The following ZNF800 variants were observed in gnomAD, a reference collection of about 807,000 sequenced individuals.
ZNF800 encodes the protein zinc finger protein 800.
ZNF800 carries 13 observed loss-of-function variants against 59.5 expected under a neutral mutation model. The ratio of observed to expected loss-of-function variants is 0.22; its 90% confidence interval spans 0.14 to 0.35. The LOEUF is 0.35. Among genes scored for constraint, ZNF800 ranks in the 10% least tolerant of loss-of-function variants. ZNF800 has a pLI of 1.00. For synonymous variants in ZNF800, 266 were observed against 265.7 expected, an observed-to-expected ratio of 1.00 and a Z score of -0.01; for missense variants, 621 against 783.7, an observed-to-expected ratio of 0.79 and a Z score of 2.48.
intron 1 of ZNF800, among the ~76,000 whole-genome samples, chr7:127,348,196 G>C (rs944210563): frequency 1.3e-5 from 2 of 152,146 alleles, no homozygotes; most frequent in African/African-American, 4.8e-5. Flanking sequence ...AGGGTGCCAA[G>C]AGAGAAAACT....
intron 1 of ZNF800, among the ~76,000 whole-genome samples, chr7:127,359,525 T>C (rs911967244): frequency 6.6e-6 from 1 of 152,096 alleles, no homozygotes; most frequent in African/African-American, 2.4e-5. Flanking sequence ...AAAAACAAAA[T>C]TGTCAGTCAA....
chr7:127,353,486 T>A (rs1176742746), intron 1 of ZNF800, among the ~76,000 whole-genome samples: 1 of 152,220 alleles, frequency 6.6e-6, no homozygotes. Context: ...AACTGAATTT[T>A]AACTATGATG....
chr7:127,373,084 C>T, intron 5 of ZNF800: 1 of 985,292 alleles, frequency 1.0e-6, no homozygotes, highest in Non-Finnish European at 1.2e-6. Flanking sequence ...AAGCACTGAC[C>T]CTGTGCCATC....
chr7:127,360,185 A>G (rs1196017244), intron 1 of ZNF800: 6 of 152,124 alleles, frequency 3.9e-5, no homozygotes, highest in African/African-American at 1.4e-4. Flanking sequence ...TAGTTGGTAC[A>G]AAATATATAG....
chr7:127,371,822 G>A lies in ZNF800; in HGVS notation c.*-8C>T. On this transcript the variant is annotated splice_polypyrimidine_tract_variant and splice_region_variant and intron_variant, in intron 5 of 5. Coordinates refer to ENST00000265827, the MANE Select transcript of ZNF800 (RefSeq NM_176814.5). ...TACATCACTTGAAGTTATCTGAGGAGAAATGGGAATAAATGAACACTTTTG... is the reference window on the plus strand; with the variant it reads ...TACATCACTTGAAGTTATCTGAGGAAAAATGGGAATAAATGAACACTTTTG... 1.3e-6 allele frequency: 1 copy of A among 766,614 alleles called. No homozygotes were observed. Among genetic ancestry groups the A allele is most frequent in the Non-Finnish European group, 2.4e-6 (1 of 411,880 alleles). The allele number at this position is 766,614 out of a possible 1,614,324, so 47.5% of individuals were successfully genotyped here.
At chr7:127,372,371 T>C (rs764610273) in intron 5 of ZNF800, among the ~76,000 whole-genome samples, 26 of 151,490 alleles carry the variant, frequency 1.7e-4, no homozygotes, top group Non-Finnish European at 2.7e-4. Context: ...TCCCAGCTAC[T>C]TGGGAGGCTG....
chr7:127,366,958 G>A (rs996296953), downstream of ZNF800, among the ~76,000 whole-genome samples: 7 of 152,118 alleles, frequency 4.6e-5, no homozygotes, highest in African/African-American at 9.7e-5. Context: ...GGAAAGTAGC[G>A]GAAGGACACA....
intron 4 of ZNF800, among the ~76,000 whole-genome samples, chr7:127,375,438 T>C (rs576190771): frequency 1.3e-5 from 2 of 152,190 alleles, no homozygotes; most frequent in African/African-American, 4.8e-5. Flanking sequence ...TGTTACTACA[T>C]AAATAAAAAT....
chr7:127,375,613 C>A (rs1037726467), intron 4 of ZNF800, among the ~76,000 whole-genome samples: 1 of 152,032 alleles, frequency 6.6e-6, no homozygotes, highest in Non-Finnish European at 1.5e-5. Flanking sequence ...AGTCCTATTA[C>A]ATGTCTTCTT....
intron 3 of ZNF800, among the ~76,000 whole-genome samples, chr7:127,379,012 G>A (rs936512720): frequency 1.3e-5 from 2 of 152,050 alleles, no homozygotes; most frequent in Non-Finnish European, 2.9e-5. Context: ...TGGAAAAAAT[G>A]TATAGAATAA....
chr7:127,378,255 T>TA lies in ZNF800; in HGVS notation c.158-927dup, dbSNP rs568797453. ...CTTTAGGCAGAGAAAAAATAAATGGTAAAAAGCACCTGATCTTTAAAAATA... is the reference window on the plus strand; with the variant it reads ...CTTTAGGCAGAGAAAAAATAAATGGTAAAAAAGCACCTGATCTTTAAAAATA... On this transcript the variant is annotated intron_variant, in intron 3 of 5. Transcript: ENST00000265827. 4.0e-4 allele frequency among the ~76,000 whole-genome samples: 61 copies of TA among 152,072 alleles called. 1 individual carries two copies. The South Asian group carries it at 0.013, about 32-fold the overall frequency.
chr7:127,381,650 A>C (rs531952462), intron 3 of ZNF800, among the ~76,000 whole-genome samples: 1 of 152,234 alleles, frequency 6.6e-6, no homozygotes, highest in East Asian at 1.9e-4. Context: ...AGACCAATAT[A>C]AATGGCTGTT....
At chr7:127,381,316 C>T (rs1215390718) in intron 3 of ZNF800, among the ~76,000 whole-genome samples, 2 of 152,100 alleles carry the variant, frequency 1.3e-5, no homozygotes, top group Admixed American at 1.3e-4. Flanking sequence ...ATGTACGTTC[C>T]TCATCACAAC....
chr7:127,388,760 T>G (rs1006986608), intron 2 of ZNF800, among the ~76,000 whole-genome samples: 1 of 152,194 alleles, frequency 6.6e-6, no homozygotes, highest in South Asian at 2.1e-4. Flanking sequence ...ACATTCAAAA[T>G]AAGCCCAGGA....
intron 3 of ZNF800, among the ~76,000 whole-genome samples, chr7:127,384,551 T>TA (rs538889491): frequency 4.6e-5 from 7 of 151,706 alleles, no homozygotes; most frequent in African/African-American, 1.7e-4. Flanking sequence ...AACTTCTCAA[T>TA]AAAAAAATGC....
intron 1 of ZNF800, among the ~76,000 whole-genome samples, chr7:127,353,781 G>A (rs544841009): frequency 3.9e-4 from 60 of 151,952 alleles, no homozygotes; most frequent in South Asian, 1.2e-3. Flanking sequence ...AAAATCAAAC[G>A]GTTCTGACAG....
chr7:127,391,628 G>A lies in ZNF800; in HGVS notation c.-58-13C>T. On this transcript the variant is annotated splice_polypyrimidine_tract_variant and intron_variant, in intron 1 of 5. Transcript: ENST00000265827. ...CATTGCGGCGTGGCTGTTGAAAGAA[G>A]CACAAACCCGTCACTCGCCCTGAAC... 7.0e-7 allele frequency: 1 copy of A among 1,426,828 alleles called. No homozygotes were observed. Among genetic ancestry groups the A allele is most frequent in the South Asian group, 1.2e-5 (1 of 86,782 alleles). The allele number at this position is 1,426,828 out of a possible 1,614,324, so 88.4% of individuals were successfully genotyped here.
chr7:127,383,785 C>A (rs115845308), intron 3 of ZNF800, among the ~76,000 whole-genome samples: 3 of 152,138 alleles, frequency 2.0e-5, no homozygotes, highest in Non-Finnish European at 4.4e-5. Context: ...AGATTAGTTT[C>A]TTTGTACCAC....
rs146915016 is a variant in ZNF800 at position 127,374,600 on chromosome 7, G to A, written c.736C>T (p.Arg246Cys). Residue 246 changes from arginine to cysteine, a missense_variant, in exon 5 of 6, where the codon CGC becomes TGC. By Grantham distance (180) the Arg-to-Cys change is radical. Transcript: ENST00000265827. ...RKEFNSRRGVRRHIRKVHKKK... is the reference protein window; with the variant it reads ...RKEFNSRRGVCRHIRKVHKKK... ...TTGTGTACTTTTCGAATGTGACGGC[G>A]AACACCTCGTCTAGAATTGAATTCT... is the stretch of plus-strand genomic sequence containing the variant. 8.2e-5 allele frequency: 133 copies of A among 1,613,940 alleles called. No individual in the cohort carries two copies. The East Asian group carries it at 9.8e-4, about 12-fold the overall frequency.
Sources: gnomAD v4.1 joint callset for allele counts (sites outside exome capture counted in the v4.1 genomes callset) on GRCh38, gnomAD v4.1.1 for gene constraint, MANE v1.5 for transcripts, NCBI Gene and HGNC (gene_info 2026-07-23, HGNC 2026-07-21) for gene names.